ARHGAP26: variants seen among roughly 807,000 people sequenced by gnomAD.
The protein encoded by ARHGAP26 is Rho GTPase activating protein 26, also known as rho GTPase-activating protein 26.
ARHGAP26 carries 38 observed loss-of-function variants against 104.8 expected under a neutral mutation model. The observed-to-expected ratio is 0.36, with a 90% CI of 0.28 to 0.48. The LOEUF (loss-of-function observed/expected upper bound fraction) is 0.48, where lower values mean the gene tolerates loss of function less well. ARHGAP26 is among the 20% of genes least tolerant of loss of function. The pLI is 0.99. For missense variants in ARHGAP26, 704 were observed against 947.9 expected (o/e 0.74, Z 3.38); for synonymous variants, 341 against 340.0 (o/e 1.00, Z -0.03).
chr5:142,792,222 A>T (rs1029814001), intron 1 of ARHGAP26, among the ~76,000 whole-genome samples: 29 of 152,202 alleles, frequency 1.9e-4, no homozygotes, highest in Admixed American at 3.9e-4. Context: ...ATCTTTAGTG[A>T]CCTTTTGCAG....
intron 21 of ARHGAP26, among the ~76,000 whole-genome samples, chr5:143,210,777 T>G (rs1809339491): frequency 6.6e-6 from 1 of 152,178 alleles, no homozygotes; most frequent in Non-Finnish European, 1.5e-5. Flanking sequence ...TGAGGGAAAC[T>G]CCTGTGAGTG....
At chr5:143,020,455 G>C (rs1245123011) in intron 12 of ARHGAP26, among the ~76,000 whole-genome samples, 1 of 151,954 alleles carries the variant, frequency 6.6e-6, no homozygotes, top group Non-Finnish European at 1.5e-5. Context: ...AAGTACCCAG[G>C]GTGCAGACTA....
intron 11 of ARHGAP26, among the ~76,000 whole-genome samples, chr5:142,985,419 C>T (rs1049376187): frequency 3.9e-5 from 6 of 152,156 alleles, no homozygotes; most frequent in Non-Finnish European, 7.4e-5. Flanking sequence ...TTCATGTTCA[C>T]CCACTAATCA....
chr5:143,066,809 G>A (rs1053571328), intron 17 of ARHGAP26, among the ~76,000 whole-genome samples: 5 of 152,210 alleles, frequency 3.3e-5, no homozygotes, highest in African/African-American at 9.6e-5. Context: ...AAAGGGCTGA[G>A]CATCTCTCCC....
intron 20 of ARHGAP26, chr5:143,192,379 A>T (rs1187237406): frequency 6.6e-6 from 1 of 152,306 alleles, no homozygotes; most frequent in Non-Finnish European, 1.5e-5. Flanking sequence ...AAGCATACTC[A>T]TGGCACAAGT....
intron 19 of ARHGAP26, among the ~76,000 whole-genome samples, chr5:143,138,085 G>A (rs533507334): frequency 9.2e-5 from 14 of 152,106 alleles, no homozygotes; most frequent in Admixed American, 2.0e-4. Context: ...GTGTGCCCAG[G>A]TCCCTGCCTG....
chr5:143,132,876 A>C (rs182375387), intron 18 of ARHGAP26, among the ~76,000 whole-genome samples: 9,477 of 152,016 alleles, frequency 0.062, 1,014 homozygotes, highest in African/African-American at 0.22. Context: ...AAAAAAAAAA[A>C]AACTGTTATC....
chr5:143,157,219 C>T (rs1008571636), intron 20 of ARHGAP26, among the ~76,000 whole-genome samples: 1 of 150,434 alleles, frequency 6.6e-6, no homozygotes, highest in Admixed American at 6.6e-5. Context: ...CTCTGTCATC[C>T]AGGCTGGAGG....
intron 1 of ARHGAP26, among the ~76,000 whole-genome samples, chr5:142,812,457 C>G (rs1420667473): frequency 6.6e-6 from 1 of 152,044 alleles, no homozygotes; most frequent in Non-Finnish European, 1.5e-5. Flanking sequence ...CGTGCCTCAG[C>G]CACCCGAGTA....
chr5:143,011,705 A>G (rs1365461629), intron 11 of ARHGAP26, among the ~76,000 whole-genome samples: 1 of 152,130 alleles, frequency 6.6e-6, no homozygotes, highest in Non-Finnish European at 1.5e-5. Flanking sequence ...TTTGGAAACC[A>G]TGATCTAGCT....
intron 20 of ARHGAP26, among the ~76,000 whole-genome samples, chr5:143,171,417 G>A (rs1299873992): frequency 6.6e-6 from 1 of 152,160 alleles, no homozygotes; most frequent in Non-Finnish European, 1.5e-5. Flanking sequence ...TTGAGATCTT[G>A]AGATTTGACA....
intron 20 of ARHGAP26, among the ~76,000 whole-genome samples, chr5:143,182,188 T>TA (rs768966839): frequency 6.6e-6 from 1 of 152,202 alleles, no homozygotes. Context: ...TGACAACTCT[T>TA]ACTACTCTTA....
chr5:142,790,154 G>A (rs1230600462), intron 1 of ARHGAP26, among the ~76,000 whole-genome samples: 4 of 152,220 alleles, frequency 2.6e-5, no homozygotes, highest in African/African-American at 9.6e-5. Context: ...AAACAAGTGA[G>A]CAGGATGCTA....
In ARHGAP26 at chr5:142,829,810, A is replaced by G. The variant is rs1026983934; in HGVS notation, c.155-43590A>G. On this transcript the variant is annotated intron_variant, in intron 1 of 22. Coordinates refer to ENST00000645722, the MANE Select transcript of ARHGAP26 (RefSeq NM_001135608.3). ...CCCTTACTGTCCACCATATTGGCCTAATGTTTTCCACTCATGACACTGAGG... is the reference window on the plus strand; with the variant it reads ...CCCTTACTGTCCACCATATTGGCCTGATGTTTTCCACTCATGACACTGAGG... Among the ~76,000 whole-genome samples, 3 of 152,262 alleles carry G rather than the reference A, an allele frequency of 2.0e-5. No homozygotes were observed. In the East Asian group the frequency reaches 5.8e-4, roughly 29 times the overall value.
chr5:143,133,887 C>T, intron 18 of ARHGAP26, 80 bp from the exon 19 acceptor site: 3 of 1,382,256 alleles, frequency 2.2e-6, no homozygotes, highest in Non-Finnish European at 2.9e-6. Flanking sequence ...CACTGCCAAG[C>T]TTTCCGTTGT....
intron 10 of ARHGAP26, among the ~76,000 whole-genome samples, chr5:142,917,095 A>G (rs1392218371): frequency 6.7e-6 from 1 of 148,278 alleles, no homozygotes; most frequent in African/African-American, 2.5e-5. Context: ...GCCGGAGTGC[A>G]GTGGCACGAT....
chr5:142,901,776 A>C (rs1013603769), intron 6 of ARHGAP26, among the ~76,000 whole-genome samples, 159 bp from the exon 7 acceptor site: 1 of 152,228 alleles, frequency 6.6e-6, no homozygotes, highest in Non-Finnish European at 1.5e-5. Context: ...AGGGCATGGA[A>C]GGGCATAGTG....
chr5:143,188,483 G>T (rs1313691682), intron 20 of ARHGAP26, among the ~76,000 whole-genome samples: 1 of 152,216 alleles, frequency 6.6e-6, no homozygotes, highest in Non-Finnish European at 1.5e-5. Context: ...CCGGAGGGGA[G>T]TCTCCCTTCC....
At chr5:142,865,636 A>G (rs1754149312) in intron 1 of ARHGAP26, among the ~76,000 whole-genome samples, 1 of 152,184 alleles carries the variant, frequency 6.6e-6, no homozygotes, top group African/African-American at 2.4e-5. Context: ...ACATTCTCAT[A>G]GTGAAGCTTG....
Sources: allele counts gnomAD v4.1 joint callset (sites outside exome capture counted in the v4.1 genomes callset), GRCh38; gene constraint gnomAD v4.1.1; transcripts MANE v1.5; gene names NCBI Gene and HGNC (gene_info 2026-07-23, HGNC 2026-07-21).